Variants in CACNA1C observed in about 807,000 individuals in gnomAD.
CACNA1C encodes the protein calcium voltage-gated channel subunit alpha1 C, also known as voltage-dependent L-type calcium channel subunit alpha-1C.
CACNA1C carries 30 observed loss-of-function variants against 229.0 expected under a neutral mutation model. That is an observed-to-expected ratio of 0.13 (90% CI 0.10 to 0.18). The LOEUF is 0.18. Ranked by LOEUF, CACNA1C falls within the 10% of genes least tolerant of loss-of-function variation. CACNA1C has a pLI of 1.00. For missense variants in CACNA1C, 1,658 were observed against 2,845.0 expected, an observed-to-expected ratio of 0.58 and a Z score of 9.49; for synonymous variants, 1,114 against 1,132.5, an observed-to-expected ratio of 0.98 and a Z score of 0.33.
intron 39 of CACNA1C, chr12:2,676,141 C>T (rs939246160): frequency 6.6e-6 from 1 of 152,200 alleles, no homozygotes. Context: ...AAACCCAGGC[C>T]CCAGGGAACC....
chr12:2,604,542 G>A (rs1018101365), intron 22 of CACNA1C, among the ~76,000 whole-genome samples: 2 of 152,176 alleles, frequency 1.3e-5, no homozygotes, highest in Admixed American at 6.5e-5. Flanking sequence ...GTGTAGTAAC[G>A]TCTTCAGCAG....
intron 9 of CACNA1C, among the ~76,000 whole-genome samples, chr12:2,516,218 G>A (rs1000962326): frequency 1.3e-5 from 2 of 152,156 alleles, no homozygotes; most frequent in African/African-American, 4.8e-5. Flanking sequence ...GCGAGAAGGG[G>A]CCAATGAGAA....
chr12:2,581,273 G>T (rs905816574), intron 13 of CACNA1C, among the ~76,000 whole-genome samples: 30 of 152,100 alleles, frequency 2.0e-4, no homozygotes, highest in African/African-American at 6.8e-4. Context: ...CCATTTTTTT[G>T]ATGGGGATGC....
At chr12:2,106,958 C>T (rs12371046) in intron 1 of CACNA1C, among the ~76,000 whole-genome samples, 8,028 of 22,964 alleles carry the variant, frequency 0.35, 2,683 homozygotes, top group Non-Finnish European at 0.48. Flanking sequence ...AGCCACTGGG[C>T]GCCCACCCCG....
At chr12:2,170,474 A>G (rs12319100) in intron 3 of CACNA1C, among the ~76,000 whole-genome samples, 4,890 of 152,338 alleles carry the variant, frequency 0.032, 249 homozygotes, top group African/African-American at 0.11. Flanking sequence ...TTTGACTGCA[A>G]GACTGGGTCT....
intron 9 of CACNA1C, among the ~76,000 whole-genome samples, chr12:2,516,255 G>A (rs1026875359): frequency 2.0e-5 from 3 of 152,196 alleles, no homozygotes; most frequent in Admixed American, 2.0e-4. Flanking sequence ...ATCCGGAGCT[G>A]AGGAGGCTTG....
chr12:2,583,162 G>T (rs373477644), intron 15 of CACNA1C, among the ~76,000 whole-genome samples: 1 of 152,220 alleles, frequency 6.6e-6, no homozygotes, highest in East Asian at 1.9e-4. Context: ...GCGGCGCCGC[G>T]CTCCGGGCGG....
intron 9 of CACNA1C, among the ~76,000 whole-genome samples, chr12:2,543,989 G>A (rs912852568): frequency 1.3e-5 from 2 of 152,090 alleles, no homozygotes; most frequent in African/African-American, 2.4e-5. Context: ...GGCAGCCTAC[G>A]TCCACCCCCT....
At chr12:2,084,016 T>C (rs941873489) in intron 1 of CACNA1C, among the ~76,000 whole-genome samples, 7 of 152,242 alleles carry the variant, frequency 4.6e-5, no homozygotes, top group Admixed American at 3.9e-4. Flanking sequence ...ATTCTATATA[T>C]ATAAAGGATT....
In CACNA1C at chr12:2,624,547, G is replaced by A. The variant is rs1450817434; in HGVS notation, c.3829-9750G>A. Among the ~76,000 whole-genome samples the A allele has an allele frequency of 3.3e-5, 5 of 152,202 alleles. No individual in the cohort carries two copies. In the East Asian group the frequency reaches 7.7e-4, roughly 23 times the overall value. On this transcript the variant is annotated intron_variant, in intron 29 of 46. Coordinates refer to ENST00000399655, the MANE Select transcript of CACNA1C (RefSeq NM_000719.7). The stretch of plus-strand genomic sequence containing the variant: ...ATATTCACATTGAAGAACTTGAAGA[G>A]CAAGCAAGAATTTTATTTCAAAAAT...
At chr12:2,025,142 C>A (rs1240887935) in intron 1 of CACNA1C, among the ~76,000 whole-genome samples, 1 of 152,182 alleles carries the variant, frequency 6.6e-6, no homozygotes, top group African/African-American at 2.4e-5. Context: ...CGTTCTCTGT[C>A]TCTTTGTGCA....
chr12:2,410,259 C>T lies in CACNA1C; in HGVS notation c.478-38717C>T, dbSNP rs1161612015. Among the ~76,000 whole-genome samples the T allele has an allele frequency of 6.6e-6, 1 of 152,106 alleles. No homozygotes were observed. Among genetic ancestry groups the T allele is most frequent in the Non-Finnish European group, 1.5e-5 (1 of 68,032 alleles). On this transcript the variant is annotated intron_variant, in intron 3 of 46. Coordinates refer to ENST00000399655, the MANE Select transcript of CACNA1C (RefSeq NM_000719.7). This position sits in a 1 kb window ranked among gnomAD's most constrained non-coding sequence, Gnocchi z 5.3. ...GCAGAATCGACCTCAACGAGCTCGT[C>T]GCCGGGCACCGTTTTAGCAGCCCCA...
At chr12:2,351,160 A>G (rs181658633) in intron 3 of CACNA1C, among the ~76,000 whole-genome samples, 4 of 152,262 alleles carry the variant, frequency 2.6e-5, no homozygotes, top group East Asian at 1.9e-4. Context: ...TGGCCTGTGC[A>G]TGGTAGGATG....
rs374232656 is a variant in CACNA1C at position 2,566,768 on chromosome 12, C to T, written c.1669+186C>T. 2.5e-4 allele frequency among the ~76,000 whole-genome samples: 38 copies of T among 152,292 alleles called. No homozygotes were observed. The highest frequency in any genetic ancestry group is 1.5e-3 in the South Asian group (7 of 4,822). Reference sequence around the variant, plus strand: ...AAAGCCCCACAATAAAATGCGCTACCTTGTTAAAAACAGACACGGCTCTCC... The same window carrying T: ...AAAGCCCCACAATAAAATGCGCTACTTTGTTAAAAACAGACACGGCTCTCC... On this transcript the variant is annotated intron_variant, in intron 12 of 46. Coordinates refer to ENST00000399655, the MANE Select transcript of CACNA1C (RefSeq NM_000719.7). This position sits in a 1 kb window ranked among gnomAD's most constrained non-coding sequence, Gnocchi z 4.0.
intron 14 of CACNA1C, among the ~76,000 whole-genome samples, chr12:2,582,540 AC>A (rs2060915865): frequency 6.6e-6 from 1 of 152,220 alleles, no homozygotes; most frequent in Admixed American, 6.5e-5. Flanking sequence ...GGAATGGCTG[AC>A]GGTCAGCTCA....
rs563700727 is a variant in CACNA1C, at chr12:2,245,114, A to T, written c.477+124684A>T. On this transcript the variant is annotated intron_variant, in intron 3 of 46. Coordinates refer to ENST00000399655, the MANE Select transcript of CACNA1C (RefSeq NM_000719.7). The stretch of plus-strand genomic sequence containing the variant: ...CAGGCAAGACAGAAACAGCATGGCC[A>T]TGTGGAGGGGCCGCGCTGATCGTGA... 7.0e-4 allele frequency among the ~76,000 whole-genome samples: 106 copies of T among 152,336 alleles called. 1 individual carries two copies. Among genetic ancestry groups the T allele is most frequent in the African/African-American group, 2.4e-3 (101 of 41,576 alleles).
At chr12:2,024,186 A>G (rs749961240) in intron 1 of CACNA1C, among the ~76,000 whole-genome samples, 4 of 152,210 alleles carry the variant, frequency 2.6e-5, no homozygotes, top group Non-Finnish European at 5.9e-5. Context: ...CTGTGGCAGA[A>G]TGATATACAG....
chr12:2,316,764 G>A (rs143395425), intron 3 of CACNA1C, among the ~76,000 whole-genome samples: 1 of 152,224 alleles, frequency 6.6e-6, no homozygotes, highest in South Asian at 2.1e-4. Flanking sequence ...TGTGCTGGCA[G>A]CCTGCGTGAC....
chr12:2,461,866 G>A (rs770003249), intron 5 of CACNA1C, among the ~76,000 whole-genome samples: 1 of 152,152 alleles, frequency 6.6e-6, no homozygotes, highest in South Asian at 2.1e-4. Flanking sequence ...CTGGATGATG[G>A]CGACAGCCTC....
Sources: allele counts gnomAD v4.1 joint callset (sites outside exome capture counted in the v4.1 genomes callset), GRCh38; gene constraint gnomAD v4.1.1; non-coding constraint Gnocchi (gnomAD v3.1); transcripts MANE v1.5; gene names NCBI Gene and HGNC (gene_info 2026-07-23, HGNC 2026-07-21).